Variants in CYP39A1 observed in about 807,000 individuals in gnomAD.
CYP39A1 encodes 24-hydroxycholesterol 7-alpha-hydroxylase.
A neutral mutation model predicts 58.1 loss-of-function variants in CYP39A1; 49 were observed. The observed-to-expected ratio is 0.84, with a 90% CI of 0.67 to 1.07. CYP39A1 has a LOEUF of 1.07. Among genes scored for constraint, CYP39A1 ranks in the 50% least tolerant of loss-of-function variants. The pLI is 0.00. For synonymous variants in CYP39A1, 209 were observed against 187.6 expected (o/e 1.11, Z -0.93); for missense variants, 531 against 539.4 (o/e 0.98, Z 0.16).
intron 2 of CYP39A1, among the ~76,000 whole-genome samples, chr6:46,641,631 T>C (rs1776345143): frequency 6.6e-6 from 1 of 152,216 alleles, no homozygotes; most frequent in African/African-American, 2.4e-5. Context: ...ACAGCCATAC[T>C]GGAAGCATGC....
In CYP39A1 at chr6:46,595,971, C is replaced by G. The variant is rs1773123617; in HGVS notation, c.1065+16G>C. 2 of 1,602,978 alleles carry G rather than the reference C, an allele frequency of 1.2e-6. No homozygotes were observed. Among genetic ancestry groups the G allele is most frequent in the African/African-American group, 2.7e-5 (2 of 74,088 alleles). On this transcript the variant is annotated intron_variant, in intron 8 of 11. Transcript: ENST00000275016. ...TTGTAGAAGGTTGATTCATTTAAAACCAAACCAAAGCTTACCAAAATTTCC... is the reference window on the plus strand; with the variant it reads ...TTGTAGAAGGTTGATTCATTTAAAAGCAAACCAAAGCTTACCAAAATTTCC...
At chr6:46,573,065 T>G (rs1771678241) in intron 10 of CYP39A1, among the ~76,000 whole-genome samples, 1 of 152,100 alleles carries the variant, frequency 6.6e-6, no homozygotes, top group Non-Finnish European at 1.5e-5. Context: ...ATTGTTGTTA[T>G]GATTGATATT....
rs373314877 is a variant in CYP39A1 at position 46,550,304 on chromosome 6, C to T, written c.*62G>A. 17 of 1,392,618 alleles carry T rather than the reference C, an allele frequency of 1.2e-5. No homozygotes were observed. The highest frequency in any genetic ancestry group is 1.4e-5 in the African/African-American group (1 of 69,758). 86.3% of individuals were successfully genotyped at this position (1,392,618 alleles called of 1,614,324 possible). A position where few individuals can be genotyped will look rare whatever the true frequency, so the allele number is the denominator to read the frequency against. ...TTTTTGTAGAGCTCAGGTCTAGGTG[C>T]TGCCAGGTGGGGTAGTGCCACTCCT... On this transcript the variant is annotated 3_prime_UTR_variant, in exon 12 of 12. Transcript: ENST00000275016.
At chr6:46,632,364 G>T (rs1775714240) in intron 5 of CYP39A1, among the ~76,000 whole-genome samples, 1 of 152,062 alleles carries the variant, frequency 6.6e-6, no homozygotes, top group Non-Finnish European at 1.5e-5. Flanking sequence ...TCTTTGTGCA[G>T]GTTTGTGGTT....
chr6:46,635,233 G>A (rs1775911263), intron 5 of CYP39A1, among the ~76,000 whole-genome samples: 1 of 152,150 alleles, frequency 6.6e-6, no homozygotes. Flanking sequence ...ACAATGATAA[G>A]CTCCTATCCA....
At chr6:46,587,196 T>G in intron 9 of CYP39A1, 31 bp from the exon 10 acceptor site, 1 of 1,396,692 alleles carries the variant, frequency 7.2e-7, no homozygotes, top group Non-Finnish European at 1.0e-6. Context: ...TTTTTCCAAA[T>G]CAGCCTTATA....
At chr6:46,596,641 G>A (rs1233917260) in intron 7 of CYP39A1, among the ~76,000 whole-genome samples, 2 of 151,820 alleles carry the variant, frequency 1.3e-5, no homozygotes, top group Non-Finnish European at 2.9e-5. Context: ...TATCTGAGCT[G>A]GAAGAATGAA....
chr6:46,610,879 G>A (rs1774176237), intron 7 of CYP39A1, among the ~76,000 whole-genome samples: 1 of 152,120 alleles, frequency 6.6e-6, no homozygotes, highest in African/African-American at 2.4e-5. Context: ...TATAGGTCCT[G>A]CCCCAGTCTG....
chr6:46,558,788 G>A (rs1270313746), intron 10 of CYP39A1, among the ~76,000 whole-genome samples: 1 of 152,146 alleles, frequency 6.6e-6, no homozygotes, highest in Non-Finnish European at 1.5e-5. Context: ...ACTAGGTCAT[G>A]AGATTGAGAC....
intron 10 of CYP39A1, among the ~76,000 whole-genome samples, chr6:46,558,994 CA>C (rs35310827): frequency 0.022 from 1,077 of 49,112 alleles, 5 homozygotes; most frequent in African/African-American, 0.062. Flanking sequence ...GACTCCATCT[CA>C]AAAAAAAAAA....
chr6:46,603,508 C>A (rs1455319610), intron 7 of CYP39A1, among the ~76,000 whole-genome samples: 1 of 151,996 alleles, frequency 6.6e-6, no homozygotes, highest in African/African-American at 2.4e-5. Context: ...TTCCTTTTTT[C>A]TCCCCTTCCT....
intron 7 of CYP39A1, among the ~76,000 whole-genome samples, chr6:46,621,228 T>C (rs974248645): frequency 6.6e-6 from 1 of 152,080 alleles, no homozygotes; most frequent in Non-Finnish European, 1.5e-5. Flanking sequence ...TTGCTGGACT[T>C]AATAAAGATT....
chr6:46,563,499 T>C, intron 10 of CYP39A1, among the ~76,000 whole-genome samples: 1 of 152,146 alleles, frequency 6.6e-6, no homozygotes, highest in East Asian at 1.9e-4. Flanking sequence ...ATTTAAATAC[T>C]TCATTAAGGA....
At chr6:46,620,439 T>G (rs1233533182) in intron 7 of CYP39A1, among the ~76,000 whole-genome samples, 1 of 152,198 alleles carries the variant, frequency 6.6e-6, no homozygotes, top group Non-Finnish European at 1.5e-5. Context: ...TAAAGACAAC[T>G]GTTTAACTTT....
At chr6:46,555,559 T>C (rs116640016) in intron 10 of CYP39A1, among the ~76,000 whole-genome samples, 254 of 152,344 alleles carry the variant, frequency 1.7e-3, no homozygotes, top group African/African-American at 5.9e-3. Context: ...TCTGTGGCAC[T>C]TTACATATCC....
chr6:46,558,888 C>T (rs756054849), intron 10 of CYP39A1, among the ~76,000 whole-genome samples: 52 of 150,990 alleles, frequency 3.4e-4, no homozygotes, highest in Admixed American at 3.3e-4. Flanking sequence ...CCCAGCTACT[C>T]AGGAGGCTGA....
Position 46,625,493 on chromosome 6 carries a change from G to A in CYP39A1, c.856C>T (p.Leu286Phe). Residue 286 changes from leucine to phenylalanine, a missense_variant, in exon 7 of 12, where the codon CTT (leucine) becomes TTT (phenylalanine). Leu to Phe is a conservative substitution (Grantham distance 22). Coordinates refer to ENST00000275016, the MANE Select transcript of CYP39A1 (RefSeq NM_016593.5). Reference sequence around the variant, plus strand: ...TCAGGATGAGAAAGGACGTATGCAAGTGTCCAAAATGCAACCTTAAAAAGA... The same window carrying A: ...TCAGGATGAGAAAGGACGTATGCAAATGTCCAAAATGCAACCTTAAAAAGA... ...SNAVPVAFWTLAYVLSHPDIH... is the reference protein window; with the variant it reads ...SNAVPVAFWTFAYVLSHPDIH... 2 of 1,609,184 alleles carry A rather than the reference G, an allele frequency of 1.2e-6. No individual in the cohort carries two copies. Among genetic ancestry groups the A allele is most frequent in the Admixed American group, 1.7e-5 (1 of 59,650 alleles).
chr6:46,551,124 G>C (rs555600536), intron 11 of CYP39A1, among the ~76,000 whole-genome samples: 1 of 152,164 alleles, frequency 6.6e-6, no homozygotes, highest in African/African-American at 2.4e-5. Flanking sequence ...TGAGGAGTGA[G>C]GAAAGATGAG....
intron 7 of CYP39A1, among the ~76,000 whole-genome samples, chr6:46,603,838 G>A (rs1773664013): frequency 1.3e-5 from 2 of 152,166 alleles, no homozygotes; most frequent in Admixed American, 6.5e-5. Flanking sequence ...GACATCAAGG[G>A]GACAAGCTAC....
Sources: gnomAD v4.1 joint callset for allele counts (sites outside exome capture counted in the v4.1 genomes callset) on GRCh38, gnomAD v4.1.1 for gene constraint, MANE v1.5 for transcripts, NCBI Gene and HGNC (gene_info 2026-07-23, HGNC 2026-07-21) for gene names.